The following TOE1 variants were observed in gnomAD, a reference collection of about 807,000 sequenced individuals.
TOE1 encodes target of EGR1, exonuclease.
In TOE1, 50 loss-of-function variants were observed where a neutral mutation model predicts 49.2. The observed-to-expected ratio is 1.02, with a 90% CI of 0.81 to 1.29. The LOEUF is 1.29. Among genes scored for constraint, TOE1 ranks in the 50% most tolerant of loss-of-function variants. TOE1 has a pLI of 0.00. For synonymous variants in TOE1, 221 were observed against 247.0 expected, an observed-to-expected ratio of 0.89 and a Z score of 0.99; for missense variants, 544 against 654.4, an observed-to-expected ratio of 0.83 and a Z score of 1.84.
rs80323611 is a variant in TOE1, at chr1:45,340,534, C to T, written c.52+230C>T. ...GCATGGCGGGAGATGTAGTCTGGAG[C>T]TCATAACGGTTAGTAGTAATAGTTG... is the stretch of plus-strand genomic sequence containing the variant. On this transcript the variant is annotated intron_variant, in intron 1 of 7. Transcript: ENST00000372090. 1.9e-3 allele frequency: 2,660 copies of T among 1,412,106 alleles called. 54 individuals are homozygous for T. The East Asian group carries it at 0.04, about 21-fold the overall frequency. 87.5% of individuals were successfully genotyped at this position (1,412,106 alleles called of 1,614,324 possible). A position where few individuals can be genotyped will look rare whatever the true frequency, so the allele number is the denominator to read the frequency against.
At position 45,341,681 on chromosome 1, in the gene TOE1, T is replaced by C; in HGVS notation, c.333+112T>C. ...CTCTCCCAAATCTTTTTTTTTGACT[T>C]GATAGTTTTTTTTTTTTTATTTGAA... On this transcript the variant is annotated intron_variant, in intron 4 of 7. Coordinates refer to ENST00000372090, the MANE Select transcript of TOE1 (RefSeq NM_025077.4). 8.5e-6 allele frequency: 9 copies of C among 1,064,098 alleles called. No individual in the cohort carries two copies. In the South Asian group the frequency reaches 1.5e-4, roughly 17 times the overall value. The allele number at this position is 1,064,098 out of a possible 1,614,324, so 65.9% of individuals were successfully genotyped here.
chr1:45,342,259 G>A, intron 5 of TOE1, 125 bp from the exon 6 acceptor site: 1 of 1,502,284 alleles, frequency 6.7e-7, no homozygotes, highest in Admixed American at 1.9e-5. Flanking sequence ...GTATGAGGAG[G>A]GTGGGCAGCA....
At chr1:45,340,927 G>T in intron 1 of TOE1, 146 bp from the exon 2 acceptor site, 1 of 1,171,740 alleles carries the variant, frequency 8.5e-7, no homozygotes, top group Admixed American at 2.0e-5. Context: ...AGGCCTGTGT[G>T]TAGAACACGT....
Position 45,340,210 on chromosome 1 carries a change from C to A in TOE1, c.-43C>A, listed in dbSNP as rs766584437. 1.2e-6 allele frequency: 2 copies of A among 1,613,740 alleles called. No individual in the cohort carries two copies. The highest frequency in any genetic ancestry group is 2.2e-5 in the East Asian group (1 of 44,886). ...CCGCGCCAGGAGACGGACCGCAAGT[C>A]CAGCGTACCCACAGACGACTCAGGC... On this transcript the variant is annotated 5_prime_UTR_variant, in exon 1 of 8. Coordinates refer to ENST00000372090, the MANE Select transcript of TOE1 (RefSeq NM_025077.4).
Position 45,343,517 on chromosome 1 carries a change from G to C in TOE1, c.1348G>C (p.Val450Leu), listed in dbSNP as rs1647088746. ...TTTTGATGCCTTTATGACAGGTTAT[G>C]TGATGGCCTATGTGGAAGTGAGCCA... Reference protein sequence around the residue: ...AGFDAFMTGYVMAYVEVSQGP... With the variant: ...AGFDAFMTGYLMAYVEVSQGP... Residue 450 changes from valine to leucine, a missense_variant, in exon 8 of 8, where the codon GTG becomes CTG. Coordinates refer to ENST00000372090, the MANE Select transcript of TOE1 (RefSeq NM_025077.4). The surrounding 1 kb of genome is among the most constrained non-coding windows in gnomAD (Gnocchi z 4.3). 5 of 1,614,050 alleles carry C rather than the reference G, an allele frequency of 3.1e-6. No individual in the cohort carries two copies. The highest frequency in any genetic ancestry group is 3.4e-6 in the Non-Finnish European group (4 of 1,180,030).
Position 45,341,081 on chromosome 1 carries a change from A to C in TOE1, c.61A>C (p.Ser21Arg). ...SAPAASDGGV[S>R]KSTTSGEELV... ...ACCCTCCTAACCCCCAGGTGGTGTC[A>C]GCAAAAGCACAACATCTGGGGAGGA... is the stretch of plus-strand genomic sequence containing the variant. The change falls in exon 2 of 8, where the codon AGC becomes CGC. Residue 21 changes from serine to arginine, a missense_variant. Ser to Arg is a moderately radical substitution (Grantham distance 110, BLOSUM62 -1). Coordinates refer to ENST00000372090, the MANE Select transcript of TOE1 (RefSeq NM_025077.4). 6.2e-7 allele frequency: 1 copy of C among 1,614,204 alleles called. No homozygotes were observed. The highest frequency in any genetic ancestry group is 8.5e-7 in the Non-Finnish European group (1 of 1,180,036).
chr1:45,340,349 G>T, intron 1 of TOE1, 45 bp downstream of exon 1: 1 of 1,589,992 alleles, frequency 6.3e-7, no homozygotes, highest in South Asian at 1.1e-5. Context: ...CTGCGCTCTG[G>T]GAGAGGGGAA....
At position 45,343,758 on chromosome 1, in the gene TOE1, T is replaced by G; in HGVS notation, c.*56T>G. On this transcript the variant is annotated 3_prime_UTR_variant, in exon 8 of 8. Transcript: ENST00000372090. The surrounding 1 kb of genome is among the most constrained non-coding windows in gnomAD (Gnocchi z 4.3). ...AGAGGTATTTTGGGTCTCTCTAGCCTGAAATGTCATCCTCAACTGCTACTG... is the reference window on the plus strand; with the variant it reads ...AGAGGTATTTTGGGTCTCTCTAGCCGGAAATGTCATCCTCAACTGCTACTG... 1 of 1,546,746 alleles carries G rather than the reference T, an allele frequency of 6.5e-7. No individual in the cohort carries two copies.
chr1:45,342,797 T>G, intron 6 of TOE1, 46 bp from the exon 7 acceptor site: 2 of 1,612,432 alleles, frequency 1.2e-6, no homozygotes, highest in Non-Finnish European at 1.7e-6. Context: ...CCTGCTCTTA[T>G]GGAGCTTATA....
chr1:45,340,763 G>A (rs1646897215), intron 1 of TOE1, among the ~76,000 whole-genome samples: 1 of 152,152 alleles, frequency 6.6e-6, no homozygotes, highest in Admixed American at 6.5e-5. Flanking sequence ...AATGTTTCCT[G>A]CAGGACATGG....
At chr1:45,341,687 T>G (rs1308048371) in intron 4 of TOE1, 118 bp downstream of exon 4, 10 of 195,974 alleles carry the variant, frequency 5.1e-5, no homozygotes, top group Non-Finnish European at 7.1e-5. Flanking sequence ...GACTTGATAG[T>G]TTTTTTTTTT....
intron 4 of TOE1, 63 bp from the exon 5 acceptor site, chr1:45,341,886 C>A: frequency 6.4e-7 from 1 of 1,559,920 alleles, no homozygotes. Flanking sequence ...CATTCTTAAG[C>A]TTTTGCATCC....
intron 4 of TOE1, 97 bp from the exon 5 acceptor site, chr1:45,341,852 C>G: frequency 7.5e-7 from 1 of 1,338,332 alleles, no homozygotes; most frequent in South Asian, 1.3e-5. Flanking sequence ...CCTTTCCCCC[C>G]TGAGTCCCCA....
intron 4 of TOE1, 105 bp downstream of exon 4, chr1:45,341,674 TTTGAC>T (rs1646991338): frequency 8.8e-7 from 1 of 1,137,252 alleles, no homozygotes; most frequent in Non-Finnish European, 1.2e-6. Context: ...AATCTTTTTT[TTTGAC>T]TTGATAGTTT....
intron 5 of TOE1, 124 bp downstream of exon 5, chr1:45,342,231 G>A: frequency 2.0e-6 from 3 of 1,501,302 alleles, no homozygotes; most frequent in South Asian, 2.5e-5. Flanking sequence ...TAGTGACAGG[G>A]CTTGGGAAAC....
chr1:45,341,393 G>T (rs756170180), intron 3 of TOE1, 50 bp downstream of exon 3: 19 of 1,613,952 alleles, frequency 1.2e-5, no homozygotes, highest in Non-Finnish European at 1.5e-5. Context: ...CTGTGGAGTG[G>T]GGGGGTCACA....
In TOE1 at chr1:45,342,080, C is replaced by T; in HGVS notation, c.465C>T (p.Gly155=). 1.2e-6 allele frequency: 2 copies of T among 1,613,952 alleles called. No homozygotes were observed. The highest frequency in any genetic ancestry group is 1.7e-4 in the Middle Eastern group (1 of 6,036). The change falls in exon 5 of 8, where the codon GGC becomes GGT. Residue 155 remains glycine (G), a synonymous_variant. Transcript: ENST00000372090. ...ACTTCAACCAGCAGTATGCCCAAGG[C>T]ATCCCCTACCATAAGGGCAATGACA... is the stretch of plus-strand genomic sequence containing the variant. ...GFNFNQQYAQ[G]IPYHKGNDKG...
rs1647066126 is a variant in TOE1, at chr1:45,342,840, C to T, written c.753-3C>T. 6.2e-7 allele frequency: 1 copy of T among 1,614,052 alleles called. No individual in the cohort carries two copies. Among genetic ancestry groups the T allele is most frequent in the African/African-American group, 1.3e-5 (1 of 75,024 alleles). On this transcript the variant is annotated splice_polypyrimidine_tract_variant and splice_region_variant and intron_variant, in intron 6 of 7. Coordinates refer to ENST00000372090, the MANE Select transcript of TOE1 (RefSeq NM_025077.4). The stretch of plus-strand genomic sequence containing the variant: ...GGACCATTACCCTCTTGCGCTGTTG[C>T]AGTGAACGGGAAAATGGGAAGCAGC...
Position 45,340,998 on chromosome 1 carries a change from C to A in TOE1, c.53-75C>A, listed in dbSNP as rs534699716. The A allele has an allele frequency of 1.6e-5, 26 of 1,598,148 alleles. No individual in the cohort carries two copies. In the South Asian group the frequency reaches 2.2e-4, roughly 14 times the overall value. On this transcript the variant is annotated intron_variant, in intron 1 of 7. Transcript: ENST00000372090. ...AAACTACCCCCCTTACCACCATCAC[C>A]GTGGCCTAGCTTGGTGTCTGTTCCC...
Sources: gnomAD v4.1 joint callset for allele counts (sites outside exome capture counted in the v4.1 genomes callset) on GRCh38, gnomAD v4.1.1 for gene constraint, Gnocchi (gnomAD v3.1) non-coding constraint, MANE v1.5 for transcripts, NCBI Gene and HGNC (gene_info 2026-07-23, HGNC 2026-07-21) for gene names.